CNTN5: variants seen among roughly 807,000 people sequenced by gnomAD.
CNTN5 encodes the protein contactin-5.
A neutral mutation model predicts 129.1 loss-of-function variants in CNTN5; 77 were observed. The ratio of observed to expected loss-of-function variants is 0.60; its 90% CI spans 0.50 to 0.72. CNTN5 has a LOEUF of 0.72. Among genes scored for constraint, CNTN5 ranks in the 30% least tolerant of loss-of-function variants. The pLI, the probability that CNTN5 is intolerant of heterozygous loss-of-function variation, is 0.00. For synonymous variants in CNTN5, 509 were observed against 465.6 expected, an observed-to-expected ratio of 1.09 and a Z score of -1.20; for missense variants, 1,478 against 1,328.8, an observed-to-expected ratio of 1.11 and a Z score of -1.75.
chr11:99,584,599 T>C (rs2851596), intron 3 of CNTN5, among the ~76,000 whole-genome samples: 138,399 of 152,202 alleles, frequency 0.91, 63,085 homozygotes, highest in East Asian at 1. Context: ...ATATCTCCCA[T>C]GAAACAACAA....
intron 1 of CNTN5, among the ~76,000 whole-genome samples, chr11:99,228,852 C>G (rs2135722175): frequency 6.6e-6 from 1 of 151,964 alleles, no homozygotes; most frequent in East Asian, 1.9e-4. Flanking sequence ...ATATTTCAGA[C>G]TTTTTAATGA....
chr11:99,350,270 C>A (rs1938202332), intron 2 of CNTN5, among the ~76,000 whole-genome samples: 1 of 151,908 alleles, frequency 6.6e-6, no homozygotes. Context: ...TAAAATACAC[C>A]ACCTGAATGC....
At chr11:99,674,744 A>G (rs940075665) in intron 3 of CNTN5, among the ~76,000 whole-genome samples, 1 of 152,198 alleles carries the variant, frequency 6.6e-6, no homozygotes, top group Admixed American at 6.6e-5. Flanking sequence ...GACTGCAGCA[A>G]TTCAGATAAG....
At chr11:100,299,861 T>C (rs990053490) in intron 20 of CNTN5, among the ~76,000 whole-genome samples, 4 of 151,540 alleles carry the variant, frequency 2.6e-5, no homozygotes, top group Non-Finnish European at 4.4e-5. Flanking sequence ...GGGCTTTTTC[T>C]TGGAACCTTT....
At chr11:99,869,053 T>C (rs562701769) in intron 6 of CNTN5, among the ~76,000 whole-genome samples, 16 of 152,282 alleles carry the variant, frequency 1.1e-4, no homozygotes, top group South Asian at 2.1e-4. Context: ...CAGCCCCACT[T>C]ATTATATTTA....
intron 1 of CNTN5, among the ~76,000 whole-genome samples, chr11:99,042,362 CTTCTTTTTT>C (rs1864021931): frequency 3.3e-5 from 4 of 120,740 alleles, no homozygotes; most frequent in African/African-American, 1.3e-4. Context: ...CCTTCTTCTT[CTTCTTTTTT>C]TTTTTTTTTT....
chr11:100,228,853 G>A (rs908817531), intron 16 of CNTN5, among the ~76,000 whole-genome samples: 3 of 152,200 alleles, frequency 2.0e-5, no homozygotes, highest in Non-Finnish European at 4.4e-5. Flanking sequence ...AGAGGAAATA[G>A]TGAGAGACTA....
intron 6 of CNTN5, among the ~76,000 whole-genome samples, chr11:99,889,089 AG>A (rs1948977502): frequency 1.3e-5 from 2 of 152,346 alleles, no homozygotes; most frequent in African/African-American, 4.8e-5. Flanking sequence ...TATAGAGAGC[AG>A]GCAAAATGAA....
chr11:99,111,431 T>A (rs924059338), intron 1 of CNTN5, among the ~76,000 whole-genome samples: 1 of 152,012 alleles, frequency 6.6e-6, no homozygotes. Flanking sequence ...AGAAGGACAT[T>A]TGAAGGATGT....
chr11:99,641,744 A>C lies in CNTN5; in HGVS notation c.55+85475A>C, dbSNP rs141305479. 3.1e-3 allele frequency among the ~76,000 whole-genome samples: 467 copies of C among 152,156 alleles called. 1 individual carries two copies. Among genetic ancestry groups the C allele is most frequent in the African/African-American group, 0.011 (457 of 41,500 alleles). On this transcript the variant is annotated intron_variant, in intron 3 of 24. Coordinates refer to ENST00000524871, the MANE Select transcript of CNTN5 (RefSeq NM_014361.4). ...GAGGTGGAACCAAACCTCAACTTAA[A>C]CCTGGGCAGATCTGATCTCATGGTC...
At chr11:99,455,082 G>A (rs1944448491) in intron 2 of CNTN5, among the ~76,000 whole-genome samples, 1 of 152,136 alleles carries the variant, frequency 6.6e-6, no homozygotes, top group Non-Finnish European at 1.5e-5. Context: ...CCTGAAAGGT[G>A]CTCAGATAGT....
chr11:99,896,992 C>G (rs1949223442), intron 6 of CNTN5, among the ~76,000 whole-genome samples: 2 of 152,114 alleles, frequency 1.3e-5, no homozygotes, highest in Non-Finnish European at 2.9e-5. Flanking sequence ...TGCCAGTGAC[C>G]CGGGTACCAG....
intron 1 of CNTN5, among the ~76,000 whole-genome samples, chr11:99,136,171 A>G (rs1859207815): frequency 6.6e-6 from 1 of 152,050 alleles, no homozygotes; most frequent in Non-Finnish European, 1.5e-5. Flanking sequence ...TCTTTTCTCT[A>G]AATTACCATT....
intron 3 of CNTN5, among the ~76,000 whole-genome samples, chr11:99,602,536 T>A (rs1346468689): frequency 6.6e-6 from 1 of 152,028 alleles, no homozygotes. Flanking sequence ...TACCCATATA[T>A]TAATATAGTT....
intron 2 of CNTN5, among the ~76,000 whole-genome samples, chr11:99,550,345 A>G (rs1184367943): frequency 1.3e-5 from 2 of 152,186 alleles, no homozygotes; most frequent in Non-Finnish European, 2.9e-5. Context: ...TCCTGCTATA[A>G]CTTTGGCCAC....
At chr11:99,589,516 T>C (rs1949911296) in intron 3 of CNTN5, among the ~76,000 whole-genome samples, 1 of 152,210 alleles carries the variant, frequency 6.6e-6, no homozygotes. Context: ...TGAAGAAATA[T>C]ACTAATAGAA....
chr11:99,963,638 C>A (rs1410588916), intron 8 of CNTN5, among the ~76,000 whole-genome samples: 1 of 151,982 alleles, frequency 6.6e-6, no homozygotes, highest in Non-Finnish European at 1.5e-5. Flanking sequence ...CTTGGCGATG[C>A]GGGCTCTTTT....
chr11:100,306,566 AGT>A lies in CNTN5; in HGVS notation c.2621-1789_2621-1788del, dbSNP rs1399483517. On this transcript the variant is annotated intron_variant, in intron 20 of 24. Transcript: ENST00000524871. Reference sequence around the variant, plus strand: ...CTACGGAATAGCAAACGATATTCAAAGTGTGGTTTCCTTTCAAATAAACTGTA... The same window carrying A: ...CTACGGAATAGCAAACGATATTCAAAGTGGTTTCCTTTCAAATAAACTGTA... Among the ~76,000 whole-genome samples the A allele has an allele frequency of 2.6e-5, 4 of 151,776 alleles. No homozygotes were observed. In the East Asian group the frequency reaches 7.8e-4, roughly 29 times the overall value.
chr11:99,899,149 T>G (rs1949286478), intron 6 of CNTN5, among the ~76,000 whole-genome samples: 1 of 152,044 alleles, frequency 6.6e-6, no homozygotes, highest in Admixed American at 6.6e-5. Context: ...GTTTTCTAGG[T>G]AAACAATCAT....
Sources: allele counts gnomAD v4.1 joint callset (sites outside exome capture counted in the v4.1 genomes callset), GRCh38; gene constraint gnomAD v4.1.1; transcripts MANE v1.5; gene names NCBI Gene and HGNC (gene_info 2026-07-23, HGNC 2026-07-21).